Variants in N4BP2 observed in about 807,000 individuals in gnomAD.
The protein encoded by N4BP2 is NEDD4-binding protein 2.
N4BP2 carries 91 observed loss-of-function variants against 152.8 expected under a neutral mutation model. The ratio of observed to expected loss-of-function variants is 0.60; its 90% CI spans 0.50 to 0.71. The LOEUF (loss-of-function observed/expected upper bound fraction) is 0.71, where lower values mean the gene tolerates loss of function less well. N4BP2 is among the 30% of genes least tolerant of loss of function. N4BP2 has a pLI of 0.00. For synonymous variants in N4BP2, 646 were observed against 705.3 expected, an observed-to-expected ratio of 0.92 and a Z score of 1.33; for missense variants, 1,923 against 2,059.1, an observed-to-expected ratio of 0.93 and a Z score of 1.28.
In N4BP2 at chr4:40,121,320, T is replaced by C; in HGVS notation, c.3209T>C (p.Val1070Ala). 1 of 1,613,854 alleles carries C rather than the reference T, an allele frequency of 6.2e-7. No individual in the cohort carries two copies. The highest frequency in any genetic ancestry group is 8.5e-7 in the Non-Finnish European group (1 of 1,179,950). The stretch of plus-strand genomic sequence containing the variant: ...GTTCAAGAAGCAATTCCATATAGAG[T>C]AATGTATGATAAAAGCACGTTTGTT... ...SDVQEAIPYR[V>A]MYDKSTFVEE... The change falls in exon 9 of 18, where the codon GTA becomes GCA. Residue 1070 changes from valine to alanine, a missense_variant. Coordinates refer to ENST00000261435, the MANE Select transcript of N4BP2 (RefSeq NM_018177.6).
At chr4:40,184,958 A>T in the N4BP2 span, among the ~76,000 whole-genome samples, 7 of 151,626 alleles carry the variant, frequency 4.6e-5, no homozygotes, top group East Asian at 3.9e-4. Flanking sequence ...TCTGTCTCAA[A>T]AAATAAATAA....
intron 1 of N4BP2, among the ~76,000 whole-genome samples, chr4:40,065,261 A>G (rs1317170421): frequency 1.3e-5 from 2 of 152,220 alleles, no homozygotes; most frequent in Non-Finnish European, 2.9e-5. Flanking sequence ...CTTGAAAGCT[A>G]TAGAGAGTCA....
chr4:40,114,561 C>G (rs778510036), intron 7 of N4BP2, among the ~76,000 whole-genome samples: 3 of 152,168 alleles, frequency 2.0e-5, no homozygotes, highest in Admixed American at 6.6e-5. Flanking sequence ...TCACTACTTC[C>G]TTTTCATTTC....
chr4:40,066,645 C>T (rs988933140), intron 1 of N4BP2, among the ~76,000 whole-genome samples: 2 of 152,108 alleles, frequency 1.3e-5, no homozygotes, highest in African/African-American at 4.8e-5. Context: ...GTCTATCTCT[C>T]TTGAGTGAAC....
In N4BP2 at chr4:40,084,454, G is replaced by A. The variant is rs1475787995; in HGVS notation, c.-115+10903G>A. The stretch of plus-strand genomic sequence containing the variant: ...TTGAGATTTTTTTTTTTTTTCCTCC[G>A]AGATGGAGTCTTGGTTTTTTGTCTA... On this transcript the variant is annotated intron_variant, in intron 2 of 17. Transcript: ENST00000261435. Among the ~76,000 whole-genome samples, 7 of 144,386 alleles carry A rather than the reference G, an allele frequency of 4.8e-5. No individual in the cohort carries two copies. In the South Asian group the frequency reaches 6.7e-4, roughly 14 times the overall value. The allele number at this position is 144,386 out of a possible 152,430, so 94.7% of individuals were successfully genotyped here. A position where few individuals can be genotyped will look rare whatever the true frequency, so the allele number is the denominator to read the frequency against.
At chr4:40,077,749 C>G (rs1712904074) in intron 2 of N4BP2, 1 of 152,178 alleles carries the variant, frequency 6.6e-6, no homozygotes, top group Non-Finnish European at 1.5e-5. Flanking sequence ...CCACCGCACT[C>G]AGCCAGAATA....
rs752025623 is a variant in N4BP2, at chr4:40,120,129, A to C, written c.2018A>C (p.Gln673Pro). Residue 673 changes from glutamine to proline, a missense_variant, in exon 9 of 18, where the codon CAA becomes CCA. Coordinates refer to ENST00000261435, the MANE Select transcript of N4BP2 (RefSeq NM_018177.6). ...KEISDMNPSI[Q>P]SALILETPHM... is the part of the protein sequence containing the mutation. ...ATAAGTGATATGAATCCTAGCATTC[A>C]AAGTGCTTTAATTCTGGAAACTCCA... is the stretch of plus-strand genomic sequence containing the variant. 1 of 1,612,422 alleles carries C rather than the reference A, an allele frequency of 6.2e-7. No individual in the cohort carries two copies. Among genetic ancestry groups the C allele is most frequent in the South Asian group, 1.1e-5 (1 of 90,988 alleles).
At chr4:40,180,672 G>A in the N4BP2 span, among the ~76,000 whole-genome samples, 1 of 152,278 alleles carries the variant, frequency 6.6e-6, no homozygotes, top group East Asian at 1.9e-4. Context: ...GCAAAAAAGT[G>A]AAATACATCA....
Position 40,120,083 on chromosome 4 carries a change from T to A in N4BP2, c.1972T>A (p.Leu658Ile). 2 of 1,612,320 alleles carry A rather than the reference T, an allele frequency of 1.2e-6. No individual in the cohort carries two copies. Among genetic ancestry groups the A allele is most frequent in the Non-Finnish European group, 1.7e-6 (2 of 1,179,294 alleles). Reference sequence around the variant, plus strand: ...TGTTGCATATCTCTCTAATGCAGATTTAAACAAAAGAAGAAAAGAAATAAG... The same window carrying A: ...TGTTGCATATCTCTCTAATGCAGATATAAACAAAAGAAGAAAAGAAATAAG... ...ENVAYLSNADLNKRRKEISDM... is the reference protein window; with the variant it reads ...ENVAYLSNADINKRRKEISDM... The change falls in exon 9 of 18, where the codon TTA (leucine) becomes ATA (isoleucine). Residue 658 changes from leucine (L) to isoleucine (I), a missense_variant. Transcript: ENST00000261435.
chr4:40,075,638 C>T (rs1374648279), intron 2 of N4BP2, among the ~76,000 whole-genome samples: 2 of 152,074 alleles, frequency 1.3e-5, no homozygotes, highest in Non-Finnish European at 2.9e-5. Flanking sequence ...CCTTATGATT[C>T]GCCTGCCTCG....
chr4:40,170,630 C>A, the N4BP2 span, among the ~76,000 whole-genome samples: 2 of 152,008 alleles, frequency 1.3e-5, no homozygotes, highest in South Asian at 2.1e-4. Flanking sequence ...CCAAGTGAGA[C>A]CCTGTCCCCC....
the N4BP2 span, among the ~76,000 whole-genome samples, chr4:40,186,109 G>A: frequency 6.6e-6 from 1 of 152,108 alleles, no homozygotes; most frequent in East Asian, 1.9e-4. Context: ...CCTTTTAAGA[G>A]GTTTGATGCA....
At position 40,102,857 on chromosome 4, in the gene N4BP2, G is replaced by A. The variant is rs750015376; in HGVS notation, c.1012G>A (p.Gly338Arg). 2 of 1,614,132 alleles carry A rather than the reference G, an allele frequency of 1.2e-6. No individual in the cohort carries two copies. The highest frequency in any genetic ancestry group is 1.7e-5 in the Admixed American group (1 of 60,010). The change falls in exon 4 of 18, where the codon GGG (glycine) becomes AGG (arginine). Residue 338 changes from glycine (G) to arginine (R), a missense_variant. By Grantham distance (125) the Gly-to-Arg change is moderately radical. Transcript: ENST00000261435. ...CAAACATCCTGAACTGCCAACTAAG[G>A]GGAAGGATGTGAGTTACTGCCCGGT... ...PHKHPELPTK[G>R]KDVSYCPVLA...
In N4BP2 at chr4:40,121,098, C is replaced by T. The variant is rs768752101; in HGVS notation, c.2987C>T (p.Ala996Val). The T allele has an allele frequency of 5.6e-6, 9 of 1,613,922 alleles. No homozygotes were observed. The South Asian group carries it at 9.9e-5, about 18-fold the overall frequency. The change falls in exon 9 of 18, where the codon GCT becomes GTT. Residue 996 changes from alanine to valine, a missense_variant. Coordinates refer to ENST00000261435, the MANE Select transcript of N4BP2 (RefSeq NM_018177.6). ...VSGVVEPQTL[A>V]ECQEQMPKRD... ...GGAGTAGTAGAACCACAAACGTTAG[C>T]TGAATGTCAAGAGCAAATGCCTAAG...
At chr4:40,178,448 ACCTT>A in the N4BP2 span, among the ~76,000 whole-genome samples, 1 of 151,904 alleles carries the variant, frequency 6.6e-6, no homozygotes, top group African/African-American at 2.4e-5. Context: ...GAAAAGAAAA[ACCTT>A]CATCTTTAGG....
At chr4:40,078,607 C>T (rs60248775) in intron 2 of N4BP2, among the ~76,000 whole-genome samples, 3,153 of 151,760 alleles carry the variant, frequency 0.021, 112 homozygotes, top group African/African-American at 0.071. Flanking sequence ...TCAACTGCAG[C>T]CTTGATTTCC....
At chr4:40,085,957 C>CT (rs1490179780) in intron 2 of N4BP2, among the ~76,000 whole-genome samples, 1 of 151,050 alleles carries the variant, frequency 6.6e-6, no homozygotes, top group African/African-American at 2.4e-5. Context: ...GGCCAGGAGT[C>CT]TTTTTTTTGT....
At chr4:40,106,770 A>C (rs991913130) in intron 4 of N4BP2, 130 bp from the exon 5 acceptor site, 20 of 807,252 alleles carry the variant, frequency 2.5e-5, no homozygotes, top group Non-Finnish European at 3.5e-5. Context: ...GCTGGCCTTG[A>C]ACTCCTGGCC....
intron 17 of N4BP2, 33 bp from the exon 18 acceptor site, chr4:40,154,159 A>G (rs777752823): frequency 6.5e-7 from 1 of 1,532,178 alleles, no homozygotes; most frequent in Non-Finnish European, 9.0e-7. Context: ...TGAAATTTTC[A>G]TCTTTAAAAT....
Sources: allele counts gnomAD v4.1 joint callset (sites outside exome capture counted in the v4.1 genomes callset), GRCh38; gene constraint gnomAD v4.1.1; transcripts MANE v1.5; gene names NCBI Gene and HGNC (gene_info 2026-07-23, HGNC 2026-07-21).